Variants in JAKMIP2 observed in about 807,000 individuals in gnomAD.
JAKMIP2 encodes janus kinase and microtubule-interacting protein 2.
Under a neutral mutation model 115.0 loss-of-function variants are expected in JAKMIP2, and 25 were observed. That is an observed-to-expected ratio of 0.22 (90% CI 0.16 to 0.30). JAKMIP2 has a LOEUF of 0.30. Ranked by LOEUF, JAKMIP2 falls within the 10% of genes least tolerant of loss-of-function variation. JAKMIP2 has a pLI of 1.00. For synonymous variants in JAKMIP2, 334 were observed against 343.6 expected (o/e 0.97, Z 0.31); for missense variants, 642 against 957.6 (o/e 0.67, Z 4.35).
intron 1 of JAKMIP2, among the ~76,000 whole-genome samples, chr5:147,737,385 C>T (rs1753966142): frequency 6.6e-6 from 1 of 152,160 alleles, no homozygotes; most frequent in Non-Finnish European, 1.5e-5. Context: ...ATAAATAGCA[C>T]TGAGATTTTT....
chr5:147,721,021 G>A (rs1753255140), intron 1 of JAKMIP2, among the ~76,000 whole-genome samples: 1 of 151,674 alleles, frequency 6.6e-6, no homozygotes, highest in African/African-American at 2.4e-5. Flanking sequence ...GTACAGATGG[G>A]TTTTTGGTGT....
chr5:147,684,204 T>C (rs1760460494), intron 1 of JAKMIP2, among the ~76,000 whole-genome samples: 1 of 151,634 alleles, frequency 6.6e-6, no homozygotes, highest in Non-Finnish European at 1.5e-5. Context: ...AACTAACTTT[T>C]AGACCATAAT....
intron 16 of JAKMIP2, among the ~76,000 whole-genome samples, chr5:147,626,671 G>T (rs1318663581): frequency 6.6e-6 from 1 of 152,192 alleles, no homozygotes; most frequent in Non-Finnish European, 1.5e-5. Context: ...CACAGTTGTT[G>T]GTTCTGATAA....
intron 1 of JAKMIP2, among the ~76,000 whole-genome samples, chr5:147,686,990 G>T (rs1760601578): frequency 3.3e-5 from 5 of 152,052 alleles, no homozygotes; most frequent in Admixed American, 3.3e-4. Flanking sequence ...AATCTCAGAA[G>T]ATTCTGGGAG....
At chr5:147,693,234 C>T (rs902942084) in intron 1 of JAKMIP2, among the ~76,000 whole-genome samples, 1 of 152,184 alleles carries the variant, frequency 6.6e-6, no homozygotes, top group Non-Finnish European at 1.5e-5. Context: ...ACTGTGTGAC[C>T]TTGGGCATGT....
At chr5:147,671,988 G>C (rs1274912697) in intron 1 of JAKMIP2, 34 bp from the exon 2 acceptor site, 8 of 1,227,220 alleles carry the variant, frequency 6.5e-6, no homozygotes, top group Non-Finnish European at 7.1e-6. Context: ...TTATTGTTTT[G>C]GCAAAGACCT....
intron 1 of JAKMIP2, among the ~76,000 whole-genome samples, chr5:147,773,465 CAT>C (rs781039780): frequency 4.0e-5 from 6 of 151,792 alleles, no homozygotes; most frequent in African/African-American, 7.3e-5. Context: ...TCAAACTACA[CAT>C]GTTAGTGAAA....
intron 21 of JAKMIP2, among the ~76,000 whole-genome samples, chr5:147,592,976 C>T (rs1260073742): frequency 4.6e-5 from 7 of 152,038 alleles, no homozygotes; most frequent in Non-Finnish European, 7.4e-5. Flanking sequence ...GTACAGTGGT[C>T]GGGGAGAGAT....
chr5:147,646,734 A>G (rs1480573073), intron 5 of JAKMIP2, among the ~76,000 whole-genome samples: 1 of 151,714 alleles, frequency 6.6e-6, no homozygotes, highest in Admixed American at 6.6e-5. Context: ...AATCTGATGT[A>G]GTTCAACTAA....
At chr5:147,754,936 G>T (rs1201321731) in intron 1 of JAKMIP2, among the ~76,000 whole-genome samples, 1 of 152,164 alleles carries the variant, frequency 6.6e-6, no homozygotes, top group Non-Finnish European at 1.5e-5. Flanking sequence ...AAGAGAGCTT[G>T]CATCAAGGAG....
chr5:147,591,977 C>T (rs1755119928), intron 21 of JAKMIP2, among the ~76,000 whole-genome samples: 1 of 152,158 alleles, frequency 6.6e-6, no homozygotes, highest in African/African-American at 2.4e-5. Context: ...TCCTCTGAGG[C>T]CTTCCAAGGT....
In JAKMIP2 at chr5:147,648,482, G is replaced by GA. The variant is rs777391495; in HGVS notation, c.838-9dup. On this transcript the variant is annotated splice_polypyrimidine_tract_variant and intron_variant, in intron 4 of 21. Coordinates refer to ENST00000616793, the MANE Select transcript of JAKMIP2 (RefSeq NM_001270941.2). The stretch of plus-strand genomic sequence containing the variant: ...TTGATTTCTTCGCAAATCCTACAAA[G>GA]AAAAATTAAAATGGGTATTTCTTCA... The GA allele has an allele frequency of 9.9e-5, 151 of 1,517,988 alleles. No individual in the cohort carries two copies. The East Asian group carries it at 3.3e-3, about 33-fold the overall frequency. 94.0% of individuals were successfully genotyped at this position (1,517,988 alleles called of 1,614,324 possible). A position where few individuals can be genotyped will look rare whatever the true frequency, so the allele number is the denominator to read the frequency against.
chr5:147,612,275 T>C, intron 20 of JAKMIP2, 31 bp downstream of exon 20: 3 of 1,333,484 alleles, frequency 2.2e-6, no homozygotes, highest in Non-Finnish European at 3.2e-6. Flanking sequence ...ATTAAACAAA[T>C]AATAAGATAG....
chr5:147,672,897 C>A (rs1416317872), intron 1 of JAKMIP2, among the ~76,000 whole-genome samples: 1 of 152,138 alleles, frequency 6.6e-6, no homozygotes, highest in Non-Finnish European at 1.5e-5. Flanking sequence ...GGTTGATGGG[C>A]ACTAATATTG....
intron 1 of JAKMIP2, among the ~76,000 whole-genome samples, chr5:147,736,680 T>C (rs1435900254): frequency 6.6e-6 from 1 of 152,110 alleles, no homozygotes; most frequent in African/African-American, 2.4e-5. Flanking sequence ...CCCTGTACTT[T>C]TATGAGGTTG....
chr5:147,656,048 G>C (rs1444760857), intron 3 of JAKMIP2, among the ~76,000 whole-genome samples: 2 of 152,212 alleles, frequency 1.3e-5, no homozygotes, highest in African/African-American at 4.8e-5. Context: ...ATTGCACTGT[G>C]GTCTGAGAGA....
intron 1 of JAKMIP2, among the ~76,000 whole-genome samples, chr5:147,684,023 A>G (rs1300268669): frequency 6.6e-6 from 1 of 152,118 alleles, no homozygotes; most frequent in Non-Finnish European, 1.5e-5. Context: ...TCTGTTTTTA[A>G]CACTGAGGAT....
rs183414051 is a variant in JAKMIP2 at position 147,606,621 on chromosome 5, C to T, written c.2413-4810G>A. 4.4e-3 allele frequency among the ~76,000 whole-genome samples: 674 copies of T among 152,282 alleles called. 6 individuals are homozygous for T. Among genetic ancestry groups the T allele is most frequent in the Non-Finnish European group, 7.1e-3 (486 of 68,018 alleles). On this transcript the variant is annotated intron_variant, in intron 20 of 21. Coordinates refer to ENST00000616793, the MANE Select transcript of JAKMIP2 (RefSeq NM_001270941.2). Reference sequence around the variant, plus strand: ...TGGTCTGAAGTCAGGTAGCATGATGCCTCCAGCTTTGTTCTTTTTGCTAGG... The same window carrying T: ...TGGTCTGAAGTCAGGTAGCATGATGTCTCCAGCTTTGTTCTTTTTGCTAGG...
intron 7 of JAKMIP2, among the ~76,000 whole-genome samples, chr5:147,643,733 C>T (rs568263028): frequency 1.3e-5 from 2 of 152,150 alleles, no homozygotes; most frequent in African/African-American, 2.4e-5. Context: ...CTCTGAGCCT[C>T]GGGATCCTGC....
Sources: allele counts gnomAD v4.1 joint callset (sites outside exome capture counted in the v4.1 genomes callset), GRCh38; gene constraint gnomAD v4.1.1; transcripts MANE v1.5; gene names NCBI Gene and HGNC (gene_info 2026-07-23, HGNC 2026-07-21).